Variants in TET2 observed in about 807,000 individuals in gnomAD.
The protein encoded by TET2 is methylcytosine dioxygenase TET2.
In TET2, 299 loss-of-function variants were observed where a neutral mutation model predicts 142.9. The observed-to-expected ratio is 2.09, with a 90% CI of 1.90 to 2.30. The LOEUF is 2.30. Among genes scored for constraint, TET2 ranks in the 30% most tolerant of loss-of-function variants. The pLI is 0.00. For missense variants in TET2, 2,418 were observed against 2,378.0 expected (o/e 1.02, Z -0.35); for synonymous variants, 819 against 849.0 (o/e 0.96, Z 0.61).
chr4:105,159,088 A>G lies in TET2; in HGVS notation c.-193+12109A>G, dbSNP rs374592971. On this transcript the variant is annotated intron_variant, in intron 1 of 10. Transcript: ENST00000380013. ...TGAGTGTCTGTGGGCGGAGGAATCA[A>G]CACAGTTTAATTCATTGTCCGGGAG... is the stretch of plus-strand genomic sequence containing the variant. Among the ~76,000 whole-genome samples the G allele has an allele frequency of 1.8e-4, 27 of 152,186 alleles. 1 individual carries two copies. The East Asian group carries it at 4.2e-3, about 24-fold the overall frequency.
At chr4:105,229,632 A>G (rs2110618882) in intron 2 of TET2, among the ~76,000 whole-genome samples, 1 of 151,758 alleles carries the variant, frequency 6.6e-6, no homozygotes, top group Admixed American at 6.6e-5. Flanking sequence ...ATTAAGTAAT[A>G]CACATGCTTG....
chr4:105,154,031 C>A lies in TET2; in HGVS notation c.-193+7052C>A, dbSNP rs140150370. On this transcript the variant is annotated intron_variant, in intron 1 of 10. Coordinates refer to ENST00000380013, the MANE Select transcript of TET2 (RefSeq NM_001127208.3). ...GTCACATAGGTGAATCTGAGAGGCA[C>A]AAGAAAGGCCACATATGATATGCTT... 4.4e-3 allele frequency among the ~76,000 whole-genome samples: 675 copies of A among 152,258 alleles called. 4 individuals carry two copies. Among genetic ancestry groups the A allele is most frequent in the African/African-American group, 0.015 (632 of 41,552 alleles).
chr4:105,204,624 T>G (rs1481308022), intron 2 of TET2, among the ~76,000 whole-genome samples: 1 of 152,196 alleles, frequency 6.6e-6, no homozygotes. Flanking sequence ...CAGGATAATT[T>G]GAAAAGTTTA....
chr4:105,246,760 G>A (rs1005507118), intron 6 of TET2, among the ~76,000 whole-genome samples: 10 of 152,226 alleles, frequency 6.6e-5, no homozygotes, highest in African/African-American at 2.4e-4. Flanking sequence ...GTTCAAAGCT[G>A]TGTGAACCTC....
intron 1 of TET2, among the ~76,000 whole-genome samples, chr4:105,159,251 C>CTTTTTTTT (rs779676545): frequency 9.7e-5 from 13 of 134,578 alleles, no homozygotes; most frequent in South Asian, 2.4e-4. Context: ...TTCTTTCTTT[C>CTTTTTTTT]TTTTTTTTTT....
chr4:105,261,882 CA>C (rs1013457674), intron 8 of TET2, 34 bp downstream of exon 8: 2 of 1,286,866 alleles, frequency 1.6e-6, no homozygotes, highest in Non-Finnish European at 2.2e-6. Context: ...GCAATTGTAA[CA>C]ACTTACTTGT....
In TET2 at chr4:105,241,332, T is replaced by A. The variant is rs2110248487; in HGVS notation, c.3410-7T>A. ...TCTAAAATAATAATCTTCTATTATC[T>A]CAACAGAGCAAATTATTGAAAAAGA... is the stretch of plus-strand genomic sequence containing the variant. On this transcript the variant is annotated splice_polypyrimidine_tract_variant and splice_region_variant and intron_variant, in intron 3 of 10. Coordinates refer to ENST00000380013, the MANE Select transcript of TET2 (RefSeq NM_001127208.3). 6.5e-7 allele frequency: 1 copy of A among 1,541,192 alleles called. No homozygotes were observed.
At chr4:105,223,672 T>C (rs1209603457) in intron 2 of TET2, among the ~76,000 whole-genome samples, 1 of 152,158 alleles carries the variant, frequency 6.6e-6, no homozygotes, top group Non-Finnish European at 1.5e-5. Flanking sequence ...CCCATGTTGA[T>C]AGGAAGAATC....
intron 1 of TET2, among the ~76,000 whole-genome samples, chr4:105,183,871 C>G (rs928477306): frequency 2.0e-5 from 3 of 152,192 alleles, no homozygotes; most frequent in African/African-American, 7.2e-5. Flanking sequence ...CCCCTTTCTT[C>G]CCCTTTCACT....
rs1332855833 is a variant in TET2 at position 105,278,391 on chromosome 4, CT to C, written c.*1880del. ...GTGTACCATCATTTTTTTCCAAGTC[CT>C]TTTTTTTATTGTTAAAAAAAAAAGC... On this transcript the variant is annotated 3_prime_UTR_variant, in exon 11 of 11. Coordinates refer to ENST00000380013, the MANE Select transcript of TET2 (RefSeq NM_001127208.3). The C allele has an allele frequency of 1.4e-4, 29 of 211,218 alleles. No individual in the cohort carries two copies. Among genetic ancestry groups the C allele is most frequent in the Admixed American group, 2.4e-4 (4 of 16,828 alleles). The allele number at this position is 211,218 out of a possible 1,614,324, so 13.1% of individuals were successfully genotyped here. A position where few individuals can be genotyped will look rare whatever the true frequency, so the allele number is the denominator to read the frequency against.
chr4:105,169,228 A>G (rs1317973371), intron 1 of TET2, among the ~76,000 whole-genome samples: 2 of 152,158 alleles, frequency 1.3e-5, no homozygotes, highest in African/African-American at 4.8e-5. Context: ...TCTGTTCACC[A>G]TATCCATGCC....
rs189820069 is a variant in TET2, at chr4:105,274,736, G to A, written c.4538-312G>A. Among the ~76,000 whole-genome samples, 321 of 152,272 alleles carry A rather than the reference G, an allele frequency of 2.1e-3. 2 individuals carry two copies. Among genetic ancestry groups the A allele is most frequent in the South Asian group, 6.4e-3 (31 of 4,820 alleles). On this transcript the variant is annotated intron_variant, in intron 10 of 10. Transcript: ENST00000380013. ...ACTACACCAAGGAAGGATAGGGAGA[G>A]AGGGAGGAAAAGGGAGGCACTTCAA...
At chr4:105,172,845 C>A (rs758757201) in intron 1 of TET2, among the ~76,000 whole-genome samples, 15 of 152,036 alleles carry the variant, frequency 9.9e-5, no homozygotes, top group Non-Finnish European at 2.1e-4. Context: ...GAAAATCTTT[C>A]AGTGAGGAAA....
At position 105,181,567 on chromosome 4, in the gene TET2, A is replaced by C. The variant is rs533031853; in HGVS notation, c.-192-8793A>C. Reference sequence around the variant, plus strand: ...CACTTAGAAAATCTAGCAAATAAAAAATGGTTTAAAACTTCTTTAAAATGT... The same window carrying C: ...CACTTAGAAAATCTAGCAAATAAAACATGGTTTAAAACTTCTTTAAAATGT... On this transcript the variant is annotated intron_variant, in intron 1 of 10. Transcript: ENST00000380013. 4.3e-4 allele frequency among the ~76,000 whole-genome samples: 66 copies of C among 152,306 alleles called. 2 individuals carry two copies. The South Asian group carries it at 0.014, about 32-fold the overall frequency.
chr4:105,244,558 A>G (rs1729479025), intron 6 of TET2, among the ~76,000 whole-genome samples: 1 of 145,266 alleles, frequency 6.9e-6, no homozygotes, highest in South Asian at 2.2e-4. Context: ...AAAAGAATAG[A>G]TGAATGTTCA....
intron 1 of TET2, among the ~76,000 whole-genome samples, chr4:105,180,112 T>A (rs1216901389): frequency 6.6e-6 from 1 of 152,206 alleles, no homozygotes; most frequent in Non-Finnish European, 1.5e-5. Flanking sequence ...TCTTCAAGTG[T>A]AAGGAATTAG....
chr4:105,260,009 G>A (rs906305805), intron 7 of TET2, among the ~76,000 whole-genome samples: 2 of 151,962 alleles, frequency 1.3e-5, no homozygotes, highest in Admixed American at 6.6e-5. Flanking sequence ...AGTTTTAAAG[G>A]GGTGTCACTT....
At chr4:105,212,369 T>G (rs920984576) in intron 2 of TET2, among the ~76,000 whole-genome samples, 4 of 152,222 alleles carry the variant, frequency 2.6e-5, no homozygotes, top group Admixed American at 1.3e-4. Context: ...ACTAATAAAA[T>G]AATAAGCTCA....
chr4:105,226,431 C>T (rs1728193670), intron 2 of TET2, among the ~76,000 whole-genome samples: 1 of 152,098 alleles, frequency 6.6e-6, no homozygotes, highest in Non-Finnish European at 1.5e-5. Flanking sequence ...GTTGTTGGCT[C>T]CTCTAAATCT....
Sources: allele counts gnomAD v4.1 joint callset (sites outside exome capture counted in the v4.1 genomes callset), GRCh38; gene constraint gnomAD v4.1.1; transcripts MANE v1.5; gene names NCBI Gene and HGNC (gene_info 2026-07-23, HGNC 2026-07-21).